Variants in PGM5 observed in about 807,000 individuals in gnomAD.
PGM5 encodes phosphoglucomutase-like protein 5.
Under a neutral mutation model 59.2 loss-of-function variants are expected in PGM5, and 23 were observed. That is an observed-to-expected ratio of 0.39 (90% confidence interval 0.28 to 0.55). PGM5 has a LOEUF of 0.55. Among genes scored for constraint, PGM5 ranks in the 20% least tolerant of loss-of-function variants. The probability of loss-of-function intolerance (pLI) is 0.66; values close to 1 mark genes in which losing one functional copy is unlikely to be tolerated. For synonymous variants in PGM5, 214 were observed against 286.0 expected (o/e 0.75, Z 2.54); for missense variants, 574 against 748.3 (o/e 0.77, Z 2.72).
At chr9:68,525,808 G>A (rs1410197372) in intron 10 of PGM5, among the ~76,000 whole-genome samples, 1 of 152,190 alleles carries the variant, frequency 6.6e-6, no homozygotes, top group Non-Finnish European at 1.5e-5. Flanking sequence ...TATTATCCCA[G>A]CACTTTGGGA....
chr9:68,523,631 C>A (rs868642680), intron 10 of PGM5, among the ~76,000 whole-genome samples: 16 of 152,242 alleles, frequency 1.1e-4, no homozygotes, highest in African/African-American at 3.9e-4. Context: ...TTTATGGATG[C>A]CAGAATGTCA....
rs554460745 is a variant in PGM5, at chr9:68,428,841, T to G, written c.1044-36252T>G. The G allele has an allele frequency of 2.6e-5, 4 of 152,356 alleles. No individual in the cohort carries two copies. In the East Asian group the frequency reaches 7.7e-4, roughly 29 times the overall value. 9.4% of individuals were successfully genotyped at this position (152,356 alleles called of 1,614,324 possible). On this transcript the variant is annotated intron_variant, in intron 6 of 10. Coordinates refer to ENST00000396396, the MANE Select transcript of PGM5 (RefSeq NM_021965.4). ...AAACTTCATGAAATTTCTATGATAT[T>G]TGTGTTTCGGAGAATGCTCCTTATA...
intron 8 of PGM5, among the ~76,000 whole-genome samples, chr9:68,480,456 G>A (rs1269730977): frequency 1.3e-5 from 2 of 152,160 alleles, no homozygotes; most frequent in African/African-American, 4.8e-5. Context: ...TGTAATACCA[G>A]CACTTTGGGA....
intron 6 of PGM5, among the ~76,000 whole-genome samples, chr9:68,409,943 A>T (rs1180467766): frequency 2.9e-4 from 44 of 151,826 alleles, no homozygotes; most frequent in African/African-American, 1.0e-3. Context: ...TGACTTCGCC[A>T]TTGATTCTCA....
chr9:68,372,817 G>C lies in PGM5; in HGVS notation c.262-5382G>C, dbSNP rs1169700194. 2.0e-5 allele frequency among the ~76,000 whole-genome samples: 3 copies of C among 152,192 alleles called. No individual in the cohort carries two copies. The East Asian group carries it at 5.8e-4, about 30-fold the overall frequency. On this transcript the variant is annotated intron_variant, in intron 1 of 10. Transcript: ENST00000396396. The stretch of plus-strand genomic sequence containing the variant: ...TGGGAGCAGGCATATCACACAGCAA[G>C]AGTGGGAGCAAGAGAACAAAAGAGA...
chr9:68,429,501 A>G (rs1823307118), intron 6 of PGM5: 1 of 152,200 alleles, frequency 6.6e-6, no homozygotes, highest in African/African-American at 2.4e-5. Flanking sequence ...CAAACTTCCA[A>G]TTTAATACTC....
At chr9:68,438,840 G>A (rs1823481871) in intron 6 of PGM5, among the ~76,000 whole-genome samples, 1 of 152,110 alleles carries the variant, frequency 6.6e-6, no homozygotes, top group Admixed American at 6.5e-5. Context: ...GTGTATGTTG[G>A]GGGAGGAGGG....
chr9:68,465,173 G>T lies in PGM5; in HGVS notation c.1124G>T (p.Arg375Leu). 1 of 1,613,120 alleles carries T rather than the reference G, an allele frequency of 6.2e-7. No individual in the cohort carries two copies. The highest frequency in any genetic ancestry group is 8.5e-7 in the Non-Finnish European group (1 of 1,179,156). ...RFFSNLMDSG[R>L]CNLCGEESFG... The stretch of plus-strand genomic sequence containing the variant: ...TTCTCAAATCTGATGGACTCAGGAC[G>T]TTGCAATCTGTGTGGGGAAGAGAGC... Residue 375 changes from arginine (R) to leucine (L), a missense_variant, in exon 7 of 11, where the codon CGT becomes CTT. Around this residue, in one of 7 missense-constraint regions of PGM5, gnomAD observed 300 missense variants for 280.0 expected, o/e 1.07. Transcript: ENST00000396396.
Position 68,530,589 on chromosome 9 carries a change from A to G in PGM5, c.*933A>G, listed in dbSNP as rs1825064035. The G allele has an allele frequency of 2.6e-5, 4 of 152,180 alleles. No homozygotes were observed. The highest frequency in any genetic ancestry group is 2.6e-4 in the Admixed American group (4 of 15,280). The allele number at this position is 152,180 out of a possible 1,614,324, so 9.4% of individuals were successfully genotyped here. On this transcript the variant is annotated 3_prime_UTR_variant, in exon 11 of 11. Coordinates refer to ENST00000396396, the MANE Select transcript of PGM5 (RefSeq NM_021965.4). Reference sequence around the variant, plus strand: ...ATGCACTTGTTTGGACACATTTCTGATCTTATTTGTAAAGGCTGCAAAAGG... The same window carrying G: ...ATGCACTTGTTTGGACACATTTCTGGTCTTATTTGTAAAGGCTGCAAAAGG...
At chr9:68,388,370 C>T (rs1822282028) in intron 4 of PGM5, among the ~76,000 whole-genome samples, 1 of 147,396 alleles carries the variant, frequency 6.8e-6, no homozygotes, top group African/African-American at 2.5e-5. Context: ...AAGCTCTCCG[C>T]TAGTGTCTAA....
intron 9 of PGM5, among the ~76,000 whole-genome samples, chr9:68,485,146 A>G (rs1300564185): frequency 6.6e-6 from 1 of 152,080 alleles, no homozygotes; most frequent in Admixed American, 6.5e-5. Context: ...CCTCTACCTT[A>G]TATCTTCCTC....
chr9:68,367,741 G>A (rs1341753379), intron 1 of PGM5, among the ~76,000 whole-genome samples: 1 of 151,472 alleles, frequency 6.6e-6, no homozygotes, highest in Non-Finnish European at 1.5e-5. Context: ...CATAGTATGG[G>A]GGCAGGGGCA....
chr9:68,491,735 C>T (rs943498180), intron 9 of PGM5, among the ~76,000 whole-genome samples: 2 of 152,160 alleles, frequency 1.3e-5, no homozygotes, highest in Admixed American at 6.5e-5. Context: ...GGTGCAATGG[C>T]TTATGCCTGT....
chr9:68,397,309 C>T (rs1482397055), intron 6 of PGM5: 1 of 152,644 alleles, frequency 6.6e-6, no homozygotes, highest in Non-Finnish European at 1.5e-5. Context: ...ATTTATGAAG[C>T]ACCCATCTGT....
At chr9:68,484,863 T>G (rs558045758) in intron 9 of PGM5, among the ~76,000 whole-genome samples, 37 of 152,320 alleles carry the variant, frequency 2.4e-4, no homozygotes, top group African/African-American at 8.4e-4. Context: ...TGAGCCCCCG[T>G]GCCCTGGATA....
chr9:68,488,942 T>C (rs182557434), intron 9 of PGM5, among the ~76,000 whole-genome samples: 122 of 152,318 alleles, frequency 8.0e-4, no homozygotes, highest in African/African-American at 2.8e-3. Flanking sequence ...TCCCAGTTTA[T>C]ACCTTCTAAA....
Position 68,529,739 on chromosome 9 carries a change from G to A in PGM5, c.*83G>A. The A allele has an allele frequency of 1.3e-6, 1 of 772,642 alleles. No individual in the cohort carries two copies. The highest frequency in any genetic ancestry group is 1.8e-5 in the South Asian group (1 of 56,892). The allele number at this position is 772,642 out of a possible 1,614,324, so 47.9% of individuals were successfully genotyped here. On this transcript the variant is annotated 3_prime_UTR_variant, in exon 11 of 11. Transcript: ENST00000396396. ...TGATGCCTTCTTGCTACCTGTTTGT[G>A]CCTCTTATGACTTTGGAAAAACAAA...
intron 6 of PGM5, among the ~76,000 whole-genome samples, chr9:68,453,621 A>T (rs568320961): frequency 6.6e-6 from 1 of 152,254 alleles, no homozygotes; most frequent in East Asian, 1.9e-4. Flanking sequence ...ACAGGGGTGA[A>T]CATGCTGTAA....
At chr9:68,512,851 C>G (rs1465224274) in intron 10 of PGM5, among the ~76,000 whole-genome samples, 1 of 152,208 alleles carries the variant, frequency 6.6e-6, no homozygotes, top group Admixed American at 6.5e-5. Flanking sequence ...AAAGCCGCCA[C>G]AGGTAATACA....
Sources: allele counts gnomAD v4.1 joint callset (sites outside exome capture counted in the v4.1 genomes callset), GRCh38; gene constraint gnomAD v4.1.1; regional missense constraint gnomAD v4.1.1; transcripts MANE v1.5; gene names NCBI Gene and HGNC (gene_info 2026-07-23, HGNC 2026-07-21).